Variants in MED12L observed in about 807,000 individuals in gnomAD.
The protein encoded by MED12L is mediator of RNA polymerase II transcription subunit 12-like protein.
In MED12L, 60 loss-of-function variants were observed where a neutral mutation model predicts 281.3. The ratio of observed to expected loss-of-function variants is 0.21; its 90% confidence interval spans 0.17 to 0.26. The LOEUF (loss-of-function observed/expected upper bound fraction) is 0.26. Among genes scored for constraint, MED12L ranks in the 10% least tolerant of loss-of-function variants. The pLI, the probability that MED12L is intolerant of heterozygous loss-of-function variation, is 1.00. For synonymous variants in MED12L, 974 were observed against 987.2 expected, an observed-to-expected ratio of 0.99 and a Z score of 0.25; for missense variants, 2,146 against 2,680.9, an observed-to-expected ratio of 0.80 and a Z score of 4.41.
chr3:151,365,950 A>C lies in MED12L; in HGVS notation c.3286A>C (p.Asn1096His), dbSNP rs764741170. 6.2e-7 allele frequency: 1 copy of C among 1,613,248 alleles called. No individual in the cohort carries two copies. Among genetic ancestry groups the C allele is most frequent in the Non-Finnish European group, 8.5e-7 (1 of 1,179,426 alleles). ...TCTGAAGGCTCTTTGTTGTTCTTCA[A>C]ATCACGTGTGGGGGTTTAATGATGT... ...GVLKALCCSS[N>H]HVWGFNDVLC... Residue 1096 changes from asparagine (N) to histidine (H), a missense_variant, in exon 23 of 45, where the codon AAT becomes CAT. Asn to His is a moderately conservative substitution (Grantham distance 68). Coordinates refer to ENST00000687756, the MANE Select transcript of MED12L (RefSeq NM_001393769.1).
At chr3:151,263,757 C>G (rs941488646) in intron 16 of MED12L, among the ~76,000 whole-genome samples, 1 of 106,926 alleles carries the variant, frequency 9.4e-6, no homozygotes, top group Non-Finnish European at 1.9e-5. Context: ...CCTGGATTCC[C>G]GTACCACCCC....
At chr3:151,373,716 T>A (rs1211623413) in intron 27 of MED12L, among the ~76,000 whole-genome samples, 1 of 152,218 alleles carries the variant, frequency 6.6e-6, no homozygotes, top group Non-Finnish European at 1.5e-5. Flanking sequence ...TGTCCCAGAT[T>A]TGTGCAGTAG....
At chr3:151,425,575 T>TGG in intron 43 of MED12L, 1 of 449,918 alleles carries the variant, frequency 2.2e-6, no homozygotes, top group Non-Finnish European at 4.5e-6. Context: ...TTTGTGTGTG[T>TGG]GTGTGTGTGT....
At chr3:151,238,106 T>C (rs898564315) in intron 16 of MED12L, among the ~76,000 whole-genome samples, 1 of 152,066 alleles carries the variant, frequency 6.6e-6, no homozygotes, top group Non-Finnish European at 1.5e-5. Flanking sequence ...AACTTTTCTG[T>C]CCTAAAGTTT....
rs568155105 is a variant in MED12L at position 151,416,366 on chromosome 3, T to C, written c.6352T>C (p.Ser2118Pro). The change falls in exon 43 of 45, where the codon TCG becomes CCG. Residue 2118 changes from serine (S) to proline (P), a missense_variant. This residue lies in a region of MED12L where 496 missense variants were observed against 512.0 expected (regional missense o/e 0.97). Transcript: ENST00000687756. ...GCAGCCTCCCCAGCCCCAGCAGTCC[T>C]CGCAGTCCCAGAGTCAGACCCTTGG... Reference protein sequence around the residue: ...PQQPPQPQQSSQSQSQTLGLQ... With the variant: ...PQQPPQPQQSPQSQSQTLGLQ... The C allele has an allele frequency of 7.1e-7, 1 of 1,399,924 alleles. No homozygotes were observed. Among genetic ancestry groups the C allele is most frequent in the East Asian group, 3.8e-5 (1 of 26,274 alleles). 86.7% of individuals were successfully genotyped at this position (1,399,924 alleles called of 1,614,324 possible).
chr3:151,277,998 A>C (rs2149596680), intron 16 of MED12L, among the ~76,000 whole-genome samples: 1 of 152,350 alleles, frequency 6.6e-6, no homozygotes, highest in East Asian at 1.9e-4. Context: ...AATACCTTTT[A>C]AACATTTTCC....
Position 151,116,406 on chromosome 3 carries a change from T to C in MED12L, c.168T>C (p.His56=), listed in dbSNP as rs1260163042. Residue 56 remains histidine (H), a synonymous_variant, in exon 3 of 45, where the codon CAT becomes CAC. Coordinates refer to ENST00000687756, the MANE Select transcript of MED12L (RefSeq NM_001393769.1). ...AGCCAGCCTTCACTGGAGATGAACA[T>C]GGCTCAGCCAGAAATATTGTAATTA... ...NNQPAFTGDE[H]GSARNIVINP... is the part of the protein sequence containing the mutation. 7 of 1,613,432 alleles carry C rather than the reference T, an allele frequency of 4.3e-6. No individual in the cohort carries two copies. The highest frequency in any genetic ancestry group is 5.9e-6 in the Non-Finnish European group (7 of 1,179,496).
intron 16 of MED12L, among the ~76,000 whole-genome samples, chr3:151,332,096 GA>G (rs553607152): frequency 1.9e-4 from 29 of 152,328 alleles, no homozygotes; most frequent in Non-Finnish European, 2.8e-4. Context: ...TAAATTGAGT[GA>G]AAGCAGTGTG....
rs186941334 is a variant in MED12L at position 151,374,455 on chromosome 3, T to C, written c.3865-1571T>C. 3.5e-4 allele frequency among the ~76,000 whole-genome samples: 53 copies of C among 152,096 alleles called. 1 individual carries two copies. Among genetic ancestry groups the C allele is most frequent in the African/African-American group, 1.2e-3 (49 of 41,524 alleles). ...CCCAGCTACTTGGGAGGCTGAGGCA[T>C]GAGAATCGCTTGAAACTGGGAGGCG... is the stretch of plus-strand genomic sequence containing the variant. On this transcript the variant is annotated intron_variant, in intron 27 of 44. Transcript: ENST00000687756.
intron 16 of MED12L, among the ~76,000 whole-genome samples, chr3:151,247,488 C>T (rs1354820222): frequency 1.3e-5 from 2 of 151,354 alleles, no homozygotes; most frequent in Non-Finnish European, 2.9e-5. Flanking sequence ...TGGAAATCAT[C>T]ATTCTCAGTA....
At chr3:151,251,454 T>A (rs1736838864) in intron 16 of MED12L, among the ~76,000 whole-genome samples, 1 of 152,152 alleles carries the variant, frequency 6.6e-6, no homozygotes, top group Admixed American at 6.5e-5. Context: ...TTGTCTGTGT[T>A]CCCTGCCTTC....
At chr3:151,421,887 G>C (rs1415861537) in intron 43 of MED12L, among the ~76,000 whole-genome samples, 1 of 152,142 alleles carries the variant, frequency 6.6e-6, no homozygotes, top group African/African-American at 2.4e-5. Flanking sequence ...TGCTAGAGAA[G>C]AGGGTGGTAA....
At chr3:151,291,150 G>GTTTTTTTTTTTTTTTTTTTTT (rs59482240) in intron 16 of MED12L, among the ~76,000 whole-genome samples, 3 of 127,548 alleles carry the variant, frequency 2.4e-5, no homozygotes, top group African/African-American at 5.7e-5. Context: ...CTTGTTTTCT[G>GTTTTTTTTTTTTTTTTTTTTT]TTTTTTTTTT....
intron 2 of MED12L, among the ~76,000 whole-genome samples, chr3:151,109,368 G>A (rs1376881876): frequency 6.6e-6 from 1 of 152,200 alleles, no homozygotes; most frequent in African/African-American, 2.4e-5. Context: ...TGTTATCAGT[G>A]TAGAATACAA....
At chr3:151,288,936 A>G (rs767319302) in intron 16 of MED12L, among the ~76,000 whole-genome samples, 1 of 152,230 alleles carries the variant, frequency 6.6e-6, no homozygotes, top group Non-Finnish European at 1.5e-5. Context: ...GTCACTGCAC[A>G]TCTGGTATTC....
intron 16 of MED12L, among the ~76,000 whole-genome samples, chr3:151,266,612 T>A (rs1739881297): frequency 6.6e-6 from 1 of 152,182 alleles, no homozygotes; most frequent in African/African-American, 2.4e-5. Flanking sequence ...TCTTTCCTAT[T>A]CTAGTACCTT....
At chr3:151,301,589 C>T (rs1211845205) in intron 16 of MED12L, among the ~76,000 whole-genome samples, 1 of 152,142 alleles carries the variant, frequency 6.6e-6, no homozygotes, top group African/African-American at 2.4e-5. Flanking sequence ...GAGAACAGAA[C>T]CCAATTTAAA....
intron 16 of MED12L, among the ~76,000 whole-genome samples, chr3:151,301,476 G>C (rs1745916679): frequency 6.6e-6 from 1 of 152,146 alleles, no homozygotes; most frequent in East Asian, 1.9e-4. Context: ...CCAATAAGCA[G>C]GACATAGAGA....
intron 43 of MED12L, among the ~76,000 whole-genome samples, chr3:151,428,383 GA>G (rs1211335798): frequency 6.6e-6 from 1 of 152,102 alleles, no homozygotes. Flanking sequence ...TTGGGCAATG[GA>G]AAAAAATGGC....
Sources: allele counts gnomAD v4.1 joint callset (sites outside exome capture counted in the v4.1 genomes callset), GRCh38; gene constraint gnomAD v4.1.1; regional missense constraint gnomAD v4.1.1; transcripts MANE v1.5; gene names NCBI Gene and HGNC (gene_info 2026-07-23, HGNC 2026-07-21).